Variants in FGF12 observed in about 807,000 individuals in gnomAD.
The protein encoded by FGF12 is fibroblast growth factor 12.
In FGF12, 14 loss-of-function variants were observed where a neutral mutation model predicts 23.6. The ratio of observed to expected loss-of-function variants is 0.59; its 90% CI spans 0.39 to 0.93. The LOEUF is 0.93. Among genes scored for constraint, FGF12 ranks in the 40% least tolerant of loss-of-function variants. The pLI is 0.00. For synonymous variants in FGF12, 62 were observed against 77.3 expected, an observed-to-expected ratio of 0.80 and a Z score of 1.04; for missense variants, 175 against 217.8, an observed-to-expected ratio of 0.80 and a Z score of 1.24.
chr3:192,284,514 T>C (rs898766223), intron 4 of FGF12, among the ~76,000 whole-genome samples: 5 of 152,020 alleles, frequency 3.3e-5, no homozygotes, highest in African/African-American at 1.2e-4. Context: ...AAATGCAGGA[T>C]ATGGGGACAG....
chr3:192,689,081 G>T (rs1036711503), intron 2 of FGF12, among the ~76,000 whole-genome samples: 1 of 152,136 alleles, frequency 6.6e-6, no homozygotes, highest in African/African-American at 2.4e-5. Flanking sequence ...AAGATGGAAG[G>T]GGTATATGGA....
At chr3:192,428,712 A>G (rs1721764226) in intron 2 of FGF12, among the ~76,000 whole-genome samples, 1 of 152,192 alleles carries the variant, frequency 6.6e-6, no homozygotes. Flanking sequence ...ATGAGAGAAA[A>G]AAAACCTGTA....
chr3:192,441,188 T>C (rs1722191238), intron 2 of FGF12, among the ~76,000 whole-genome samples: 4 of 152,222 alleles, frequency 2.6e-5, no homozygotes, highest in Admixed American at 2.6e-4. Context: ...TTATAAATAT[T>C]GAAGATTCAG....
At chr3:192,310,671 G>C (rs1441477981) in intron 4 of FGF12, among the ~76,000 whole-genome samples, 3 of 152,100 alleles carry the variant, frequency 2.0e-5, no homozygotes, top group Non-Finnish European at 2.9e-5. Context: ...AATCTGTTTT[G>C]CAATTTAATA....
chr3:192,158,380 TTCTTTTCTTTC>T (rs1250452014), intron 5 of FGF12, among the ~76,000 whole-genome samples: 1 of 116,784 alleles, frequency 8.6e-6, no homozygotes, highest in Non-Finnish European at 1.8e-5. Flanking sequence ...CTTTCTTTCT[TTCTTTTCTTTC>T]TCTCTCTTTC....
At chr3:192,636,804 T>C (rs1190922851) in intron 2 of FGF12, among the ~76,000 whole-genome samples, 1 of 152,134 alleles carries the variant, frequency 6.6e-6, no homozygotes, top group Non-Finnish European at 1.5e-5. Context: ...AATTCCAAAA[T>C]GCTATATGTG....
At chr3:192,591,871 C>G (rs1713639412) in intron 2 of FGF12, among the ~76,000 whole-genome samples, 1 of 151,610 alleles carries the variant, frequency 6.6e-6, no homozygotes, top group Non-Finnish European at 1.5e-5. Context: ...AAAGCTGGGA[C>G]TAGATTATTC....
chr3:192,454,878 A>G (rs141711493), intron 2 of FGF12, among the ~76,000 whole-genome samples: 204 of 152,324 alleles, frequency 1.3e-3, no homozygotes, highest in Middle Eastern at 3.4e-3. Flanking sequence ...CAACAATAAG[A>G]CGGACATTAC....
At chr3:192,654,789 G>T (rs1043536691) in intron 2 of FGF12, among the ~76,000 whole-genome samples, 1 of 152,086 alleles carries the variant, frequency 6.6e-6, no homozygotes, top group East Asian at 1.9e-4. Flanking sequence ...AACTGGTTAT[G>T]GTTTTCGTAT....
At chr3:192,262,520 A>G (rs1712822449) in intron 4 of FGF12, among the ~76,000 whole-genome samples, 1 of 152,146 alleles carries the variant, frequency 6.6e-6, no homozygotes, top group African/African-American at 2.4e-5. Context: ...ATGGCCCCAT[A>G]AGATTAGAAT....
At chr3:192,220,086 T>C (rs1289085858) in intron 4 of FGF12, among the ~76,000 whole-genome samples, 2 of 152,166 alleles carry the variant, frequency 1.3e-5, no homozygotes, top group African/African-American at 4.8e-5. Flanking sequence ...TTACTTCTTA[T>C]CTTGACAATT....
At chr3:192,637,998 A>C (rs1715647238) in intron 2 of FGF12, among the ~76,000 whole-genome samples, 1 of 152,210 alleles carries the variant, frequency 6.6e-6, no homozygotes, top group South Asian at 2.1e-4. Flanking sequence ...TGTTCTTTCT[A>C]TTCATATTAT....
At chr3:192,667,100 A>C (rs62294785) in intron 2 of FGF12, among the ~76,000 whole-genome samples, 3,765 of 152,328 alleles carry the variant, frequency 0.025, 52 homozygotes, top group Middle Eastern at 0.075. Context: ...TTGAGTGAGT[A>C]CCTACTGTGT....
intron 2 of FGF12, among the ~76,000 whole-genome samples, chr3:192,544,704 A>T (rs2108579944): frequency 6.6e-6 from 1 of 152,194 alleles, no homozygotes; most frequent in South Asian, 2.1e-4. Context: ...TCATTTTATT[A>T]TTTTAAAGTA....
chr3:192,523,351 G>A (rs1337870717), intron 2 of FGF12, among the ~76,000 whole-genome samples: 1 of 152,116 alleles, frequency 6.6e-6, no homozygotes, highest in East Asian at 1.9e-4. Context: ...AATTTCCAAA[G>A]TGCCATAAAT....
At chr3:192,646,382 G>A (rs547881099) in intron 2 of FGF12, among the ~76,000 whole-genome samples, 9 of 152,118 alleles carry the variant, frequency 5.9e-5, no homozygotes, top group African/African-American at 1.9e-4. Flanking sequence ...ATAAATATAT[G>A]AGTCATTATA....
intron 4 of FGF12, among the ~76,000 whole-genome samples, chr3:192,271,965 C>T (rs532964054): frequency 6.6e-6 from 1 of 152,242 alleles, no homozygotes; most frequent in Admixed American, 6.5e-5. Context: ...TGATTCTTGC[C>T]TAGAATCTGA....
At chr3:192,442,863 A>C (rs921790402) in intron 2 of FGF12, among the ~76,000 whole-genome samples, 4 of 148,092 alleles carry the variant, frequency 2.7e-5, no homozygotes, top group African/African-American at 7.6e-5. Context: ...GATGGAGTGC[A>C]GTGGCGCAGT....
chr3:192,401,579 T>C (rs535985502), intron 2 of FGF12, among the ~76,000 whole-genome samples: 1 of 152,328 alleles, frequency 6.6e-6, no homozygotes, highest in Admixed American at 6.5e-5. Flanking sequence ...ACTGTTCCCT[T>C]GCTTCTACTC....
Sources: allele counts gnomAD v4.1 joint callset (sites outside exome capture counted in the v4.1 genomes callset), GRCh38; gene constraint gnomAD v4.1.1; transcripts MANE v1.5; gene names NCBI Gene and HGNC (gene_info 2026-07-23, HGNC 2026-07-21).